The following WHRN variants were observed in gnomAD, a reference collection of about 807,000 sequenced individuals.
WHRN encodes the protein CASK-interacting protein CIP98.
In WHRN, 41 loss-of-function variants were observed where a neutral mutation model predicts 68.3. The ratio of observed to expected loss-of-function variants is 0.60; its 90% CI spans 0.47 to 0.78. The LOEUF is 0.78. Ranked by LOEUF, WHRN falls within the 30% of genes least tolerant of loss-of-function variation. The pLI is 0.00. For synonymous variants in WHRN, 560 were observed against 561.3 expected, an observed-to-expected ratio of 1.00 and a Z score of 0.03; for missense variants, 1,243 against 1,244.7, an observed-to-expected ratio of 1.00 and a Z score of 0.02.
intron 3 of WHRN, among the ~76,000 whole-genome samples, chr9:114,458,358 T>G (rs1182645631): frequency 6.6e-6 from 1 of 152,184 alleles, no homozygotes; most frequent in Non-Finnish European, 1.5e-5. Context: ...TTTAGAGTAT[T>G]GAGATGGGCC....
At chr9:114,501,661 T>C (rs375373872) in intron 1 of WHRN, among the ~76,000 whole-genome samples, 6 of 151,958 alleles carry the variant, frequency 3.9e-5, no homozygotes, top group Non-Finnish European at 1.5e-5. Flanking sequence ...AAAAAAAATA[T>C]TGTTAAGACT....
rs869241280 is a variant in WHRN, at chr9:114,486,959, GTATATATATATA to G, written c.619-8200_619-8189del. ...GTGTGTGTTGTGTGTGTGTGTGTGT[GTATATATATATA>G]TATATATATATATATATATATATAT... On this transcript the variant is annotated intron_variant, in intron 1 of 11. Coordinates refer to ENST00000362057, the MANE Select transcript of WHRN (RefSeq NM_015404.4). 1.0e-2 allele frequency among the ~76,000 whole-genome samples: 50 copies of G among 5,022 alleles called. 1 individual carries two copies. Among genetic ancestry groups the G allele is most frequent in the Admixed American group, 0.02 (5 of 246 alleles). 3.3% of individuals were successfully genotyped at this position (5,022 alleles called of 152,430 possible).
At position 114,478,661 on chromosome 9, in the gene WHRN, G is replaced by A. The variant is rs1428346203; in HGVS notation, c.729C>T (p.Ser243=). The A allele has an allele frequency of 3.1e-6, 5 of 1,613,492 alleles. No homozygotes were observed. Among genetic ancestry groups the A allele is most frequent in the Admixed American group, 1.7e-5 (1 of 59,994 alleles). ...GGGGCAGGCCCGAGGGTGGGGAGAT[G>A]CTGCGGCCCTGCGGGTCCACCCAGG... ...IYTWVDPQGR[S]ISPPSGLPQP... Residue 243 remains serine, a synonymous_variant, in exon 2 of 12, where the codon AGC becomes AGT. Coordinates refer to ENST00000362057, the MANE Select transcript of WHRN (RefSeq NM_015404.4).
In WHRN at chr9:114,478,680, A is replaced by T. The variant is rs547487064; in HGVS notation, c.710T>A (p.Val237Glu). Reference sequence around the variant, plus strand: ...GGAGATGCTGCGGCCCTGCGGGTCCACCCAGGTGTAGATGTGGTTGGTGAC... The same window carrying T: ...GGAGATGCTGCGGCCCTGCGGGTCCTCCCAGGTGTAGATGTGGTTGGTGAC... ...GYVTNHIYTWVDPQGRSISPP... is the reference protein window; with the variant it reads ...GYVTNHIYTWEDPQGRSISPP... Residue 237 changes from valine (V) to glutamate (E), a missense_variant, in exon 2 of 12, where the codon GTG becomes GAG. Val to Glu is a moderately radical substitution (Grantham distance 121). Transcript: ENST00000362057. 7 of 1,613,172 alleles carry T rather than the reference A, an allele frequency of 4.3e-6. No individual in the cohort carries two copies. The African/African-American group carries it at 9.3e-5, about 21-fold the overall frequency.
chr9:114,433,466 G>A (rs529709195), intron 3 of WHRN, among the ~76,000 whole-genome samples: 3 of 152,284 alleles, frequency 2.0e-5, no homozygotes, highest in South Asian at 4.1e-4. Context: ...TGGATCTTGC[G>A]GCTTCAAGGG....
intron 1 of WHRN, among the ~76,000 whole-genome samples, chr9:114,501,586 A>ACT (rs1564242915): frequency 6.6e-6 from 1 of 151,056 alleles, no homozygotes; most frequent in Non-Finnish European, 1.5e-5. Context: ...ACACACACAC[A>ACT]CTGAATCTCT....
At chr9:114,477,758 C>T (rs1156775640) in intron 2 of WHRN, among the ~76,000 whole-genome samples, 1 of 152,224 alleles carries the variant, frequency 6.6e-6, no homozygotes, top group East Asian at 1.9e-4. Flanking sequence ...TCCAGTACAT[C>T]CCTGCTCTGT....
At chr9:114,499,484 A>G (rs1843736479) in intron 1 of WHRN, among the ~76,000 whole-genome samples, 1 of 152,242 alleles carries the variant, frequency 6.6e-6, no homozygotes, top group East Asian at 1.9e-4. Flanking sequence ...GCTGAGGATT[A>G]GTCTGGGGTC....
At chr9:114,497,148 A>G (rs977000294) in intron 1 of WHRN, among the ~76,000 whole-genome samples, 29 of 152,246 alleles carry the variant, frequency 1.9e-4, no homozygotes, top group African/African-American at 5.8e-4. Flanking sequence ...TCTTCCCTGC[A>G]GCCTACAGCT....
intron 3 of WHRN, among the ~76,000 whole-genome samples, chr9:114,450,832 C>T (rs551534701): frequency 6.7e-6 from 1 of 148,250 alleles, no homozygotes. Flanking sequence ...AGTTTCCCCC[C>T]CCGCAAAAAA....
intron 1 of WHRN, among the ~76,000 whole-genome samples, chr9:114,490,755 A>G (rs1842909907): frequency 6.6e-6 from 1 of 152,242 alleles, no homozygotes; most frequent in Non-Finnish European, 1.5e-5. Context: ...AGAAAAAAAC[A>G]TAAACCTTCA....
intron 7 of WHRN, among the ~76,000 whole-genome samples, chr9:114,418,792 C>T (rs1315422488): frequency 6.6e-6 from 1 of 152,224 alleles, no homozygotes; most frequent in Non-Finnish European, 1.5e-5. Context: ...AACCACCCCA[C>T]CCCTCTCCAG....
intron 3 of WHRN, among the ~76,000 whole-genome samples, chr9:114,447,363 G>T (rs999682545): frequency 1.3e-5 from 2 of 152,104 alleles, no homozygotes; most frequent in African/African-American, 4.8e-5. Context: ...GCCTCACATC[G>T]GTAAACAAGG....
chr9:114,466,835 C>T (rs899897213), intron 2 of WHRN, among the ~76,000 whole-genome samples: 12 of 152,046 alleles, frequency 7.9e-5, no homozygotes, highest in Non-Finnish European at 1.6e-4. Context: ...GGCCAGGTCA[C>T]GGCAGCCACC....
chr9:114,494,328 G>A (rs946297414), intron 1 of WHRN, among the ~76,000 whole-genome samples: 3 of 152,246 alleles, frequency 2.0e-5, no homozygotes, highest in Admixed American at 1.3e-4. Flanking sequence ...ATCATCAAAT[G>A]TTCAGACCAA....
At chr9:114,424,258 G>A (rs1237315630) in intron 6 of WHRN, 76 bp downstream of exon 6, 2 of 1,552,030 alleles carry the variant, frequency 1.3e-6, no homozygotes, top group African/African-American at 1.4e-5. Flanking sequence ...TAGGTTCTCA[G>A]CAAAGGAGCG....
chr9:114,461,786 G>A (rs1840267066), intron 3 of WHRN, among the ~76,000 whole-genome samples: 2 of 152,124 alleles, frequency 1.3e-5, no homozygotes, highest in Admixed American at 6.6e-5. Context: ...GTCTCCCCTG[G>A]CATACACTCA....
intron 2 of WHRN, among the ~76,000 whole-genome samples, chr9:114,468,233 C>A (rs1480866430): frequency 6.6e-6 from 1 of 152,186 alleles, no homozygotes; most frequent in African/African-American, 2.4e-5. Context: ...GAGCATGTGG[C>A]CACTCTCTGG....
rs1836603774 is a variant in WHRN at position 114,424,344 on chromosome 9, G to T, written c.1406C>A (p.Thr469Asn). Residue 469 changes from threonine (T) to asparagine (N), a missense_variant, in exon 6 of 12, where the codon ACC becomes AAC. By Grantham distance (65) the Thr-to-Asn change is moderately conservative. Coordinates refer to ENST00000362057, the MANE Select transcript of WHRN (RefSeq NM_015404.4). ...CAGGGCACGGGTCACCTTGGCGTGG[G>T]TGTTGAGCAGCTTGAACAGGGCCAT... ...LVMALFKLLN[T>N]HAKFSLLSEV... The T allele has an allele frequency of 2.5e-6, 4 of 1,612,290 alleles. No homozygotes were observed. The highest frequency in any genetic ancestry group is 4.5e-5 in the East Asian group (2 of 44,878).
Sources: gnomAD v4.1 joint callset for allele counts (sites outside exome capture counted in the v4.1 genomes callset) on GRCh38, gnomAD v4.1.1 for gene constraint, MANE v1.5 for transcripts, NCBI Gene and HGNC (gene_info 2026-07-23, HGNC 2026-07-21) for gene names.